NFIA: variants seen among roughly 807,000 people sequenced by gnomAD.
The protein encoded by NFIA is nuclear factor I A.
A neutral mutation model predicts 62.8 loss-of-function variants in NFIA; 8 were observed. The ratio of observed to expected loss-of-function variants is 0.13; its 90% CI spans 0.07 to 0.23. The LOEUF (loss-of-function observed/expected upper bound fraction) is 0.23, where lower values mean the gene tolerates loss of function less well. Ranked by LOEUF, NFIA falls within the 10% of genes least tolerant of loss-of-function variation. The pLI is 1.00. For synonymous variants in NFIA, 235 were observed against 238.1 expected, an observed-to-expected ratio of 0.99 and a Z score of 0.12; for missense variants, 410 against 642.1, an observed-to-expected ratio of 0.64 and a Z score of 3.91.
At chr1:61,381,786 C>T (rs1664428582) in intron 6 of NFIA, among the ~76,000 whole-genome samples, 1 of 151,910 alleles carries the variant, frequency 6.6e-6, no homozygotes, top group African/African-American at 2.4e-5. Context: ...CAGACAAGGA[C>T]TCTGTCCTTA....
chr1:61,411,222 G>T (rs1666082690), intron 9 of NFIA, among the ~76,000 whole-genome samples: 1 of 151,892 alleles, frequency 6.6e-6, no homozygotes. Context: ...TTGCAGCTGT[G>T]GCCAGAAAAG....
chr1:61,208,692 T>A (rs1013844670), intron 2 of NFIA, among the ~76,000 whole-genome samples: 4 of 152,210 alleles, frequency 2.6e-5, no homozygotes, highest in Admixed American at 6.5e-5. Context: ...ATGAACCTTA[T>A]ACGTAGTGGC....
intron 7 of NFIA, among the ~76,000 whole-genome samples, chr1:61,395,288 G>T (rs78771066): frequency 0.2 from 27,388 of 135,114 alleles, 2,712 homozygotes; most frequent in South Asian, 0.27. Flanking sequence ...GTGTGTGTGT[G>T]TTTTTTTTTT....
chr1:61,179,491 G>A (rs963409313), intron 2 of NFIA, among the ~76,000 whole-genome samples: 5 of 152,170 alleles, frequency 3.3e-5, no homozygotes, highest in Non-Finnish European at 7.3e-5. Context: ...AATGCCATTC[G>A]TAAAAGCGTT....
At chr1:61,236,571 T>G (rs1416350903) in intron 2 of NFIA, among the ~76,000 whole-genome samples, 3 of 152,178 alleles carry the variant, frequency 2.0e-5, no homozygotes, top group Admixed American at 6.5e-5. Flanking sequence ...CAAGCCACAC[T>G]TTGGCCTAAT....
intron 10 of NFIA, among the ~76,000 whole-genome samples, chr1:61,449,166 G>A (rs546583325): frequency 4.6e-5 from 7 of 152,312 alleles, no homozygotes; most frequent in South Asian, 2.1e-4. Flanking sequence ...CAACTCTCCC[G>A]TCGGAACTGC....
At chr1:61,425,550 T>A (rs1666827420) in intron 9 of NFIA, among the ~76,000 whole-genome samples, 1 of 152,122 alleles carries the variant, frequency 6.6e-6, no homozygotes. Context: ...AAGATTCTAG[T>A]ACAGAGGAAG....
intron 3 of NFIA, among the ~76,000 whole-genome samples, chr1:61,325,556 G>A (rs1045138065): frequency 2.0e-5 from 3 of 152,150 alleles, no homozygotes; most frequent in African/African-American, 7.2e-5. Flanking sequence ...TTTCCATGGG[G>A]ACATATTATA....
intron 2 of NFIA, among the ~76,000 whole-genome samples, chr1:61,190,216 G>C (rs1651524610): frequency 6.6e-6 from 1 of 152,124 alleles, no homozygotes; most frequent in Non-Finnish European, 1.5e-5. Flanking sequence ...TGACACTAGA[G>C]GCCACGGTCT....
intron 2 of NFIA, among the ~76,000 whole-genome samples, chr1:61,196,442 A>T (rs1652005099): frequency 6.6e-6 from 1 of 152,140 alleles, no homozygotes. Context: ...AATTGATAAT[A>T]TATTTTCTTT....
At chr1:61,175,781 A>G (rs964102412) in intron 2 of NFIA, among the ~76,000 whole-genome samples, 1 of 152,212 alleles carries the variant, frequency 6.6e-6, no homozygotes, top group Non-Finnish European at 1.5e-5. Context: ...TTTCCTTCTT[A>G]GGTCACAGCT....
intron 9 of NFIA, among the ~76,000 whole-genome samples, chr1:61,410,731 ACCCCATCT>A (rs923017387): frequency 6.6e-6 from 1 of 151,876 alleles, no homozygotes; most frequent in African/African-American, 2.4e-5. Flanking sequence ...ATGTGGTGAA[ACCCCATCT>A]CTACAAAAAA....
At chr1:61,101,185 C>T (rs1039791332) in intron 2 of NFIA, among the ~76,000 whole-genome samples, 2 of 151,920 alleles carry the variant, frequency 1.3e-5, no homozygotes, top group African/African-American at 2.4e-5. Flanking sequence ...CACCTGAGGT[C>T]GGGAGTTCGA....
Position 61,397,810 on chromosome 1 carries a change from T to C in NFIA, c.1076-6294T>C, listed in dbSNP as rs569054829. On this transcript the variant is annotated intron_variant, in intron 7 of 10. Coordinates refer to ENST00000403491, the MANE Select transcript of NFIA (RefSeq NM_001134673.4). ...TATTATACTGCACTGCTTTTCTGAG[T>C]CGTATGTTTAACTTAGAATTATATA... Among the ~76,000 whole-genome samples the C allele has an allele frequency of 7.9e-5, 12 of 152,334 alleles. No homozygotes were observed. In the South Asian group the frequency reaches 2.3e-3, roughly 29 times the overall value.
intron 10 of NFIA, among the ~76,000 whole-genome samples, chr1:61,438,769 A>G (rs1050172026): frequency 6.6e-6 from 1 of 152,148 alleles, no homozygotes; most frequent in Non-Finnish European, 1.5e-5. Flanking sequence ...ATCCCAGTGC[A>G]AAAACAAGTT....
chr1:61,107,044 TTTA>T (rs756552674), intron 2 of NFIA, among the ~76,000 whole-genome samples: 5 of 151,618 alleles, frequency 3.3e-5, no homozygotes, highest in Admixed American at 1.3e-4. Context: ...TATACTGTAA[TTTA>T]TTATTGTTTC....
chr1:61,262,718 A>AT (rs1325829494), intron 2 of NFIA, among the ~76,000 whole-genome samples: 1 of 152,200 alleles, frequency 6.6e-6, no homozygotes, highest in Non-Finnish European at 1.5e-5. Context: ...ACACTCAGTG[A>AT]TTTTTTTGGA....
Position 61,152,454 on chromosome 1 carries a change from T to G in NFIA, c.559+63774T>G, listed in dbSNP as rs565247109. ...AGGCAGGCACTTGTAAATAAAATCC[T>G]TTCCAAGGCATCCTATAAATAATGA... is the stretch of plus-strand genomic sequence containing the variant. On this transcript the variant is annotated intron_variant, in intron 2 of 10. Transcript: ENST00000403491. Among the ~76,000 whole-genome samples the G allele has an allele frequency of 2.6e-5, 4 of 152,310 alleles. 1 individual carries two copies. The South Asian group carries it at 8.3e-4, about 32-fold the overall frequency.
intron 3 of NFIA, among the ~76,000 whole-genome samples, chr1:61,321,665 A>G (rs975194151): frequency 4.6e-5 from 7 of 152,082 alleles, no homozygotes; most frequent in African/African-American, 1.7e-4. Context: ...TTTATTAACC[A>G]CAATTTTTTT....
Sources: gnomAD v4.1 joint callset for allele counts (sites outside exome capture counted in the v4.1 genomes callset) on GRCh38, gnomAD v4.1.1 for gene constraint, MANE v1.5 for transcripts, NCBI Gene and HGNC (gene_info 2026-07-23, HGNC 2026-07-21) for gene names.